The following PKHD1 variants were observed in gnomAD, a reference collection of about 807,000 sequenced individuals.
PKHD1 encodes fibrocystin.
PKHD1 carries 291 observed loss-of-function variants against 412.0 expected under a neutral mutation model. The ratio of observed to expected loss-of-function variants is 0.71; its 90% CI spans 0.64 to 0.78. PKHD1 has a LOEUF of 0.78. PKHD1 is among the 30% of genes least tolerant of loss of function. The pLI, the probability that PKHD1 is intolerant of heterozygous loss-of-function variation, is 0.00. For missense variants in PKHD1, 4,825 were observed against 4,950.7 expected (o/e 0.97, Z 0.76); for synonymous variants, 1,777 against 1,821.5 (o/e 0.98, Z 0.62).
chr6:51,960,045 G>T lies in PKHD1; in HGVS notation c.5752-19C>A, dbSNP rs747645210. On this transcript the variant is annotated intron_variant, in intron 35 of 66. Transcript: ENST00000371117. The stretch of plus-strand genomic sequence containing the variant: ...AGTTGCCCTGGAAAACAGAGAGCTG[G>T]GTTGGTGGGTTGGTTGGTTGGTTGG... 3 of 1,612,636 alleles carry T rather than the reference G, an allele frequency of 1.9e-6. No individual in the cohort carries two copies. The highest frequency in any genetic ancestry group is 3.3e-5 in the Admixed American group (2 of 59,908).
chr6:51,618,901 A>AT lies in PKHD1; in HGVS notation c.*179dup. ...GATAGCTGCAAAATATGTATGAGAC[A>AT]TTTTTCAGTCTGTAAGCATTTATAT... is the stretch of plus-strand genomic sequence containing the variant. On this transcript the variant is annotated 3_prime_UTR_variant, in exon 67 of 67. Transcript: ENST00000371117. 1 of 649,600 alleles carries AT rather than the reference A, an allele frequency of 1.5e-6. No individual in the cohort carries two copies. Among genetic ancestry groups the AT allele is most frequent in the South Asian group, 1.8e-5 (1 of 54,632 alleles). 40.2% of individuals were successfully genotyped at this position (649,600 alleles called of 1,614,324 possible).
intron 64 of PKHD1, 115 bp downstream of exon 64, chr6:51,638,734 A>G (rs867048977): frequency 4.2e-5 from 31 of 742,454 alleles, no homozygotes; most frequent in African/African-American, 4.1e-4. Context: ...TATTTTCTAA[A>G]CTATGATGAC....
chr6:52,026,884 C>A (rs2128148899), intron 31 of PKHD1, among the ~76,000 whole-genome samples: 1 of 152,300 alleles, frequency 6.6e-6, no homozygotes, highest in East Asian at 1.9e-4. Context: ...CCAAACTGTA[C>A]AACGTGGCTT....
At chr6:51,856,265 AT>A (rs1398976381) in intron 48 of PKHD1, among the ~76,000 whole-genome samples, 195 bp from the exon 49 acceptor site, 1 of 152,208 alleles carries the variant, frequency 6.6e-6, no homozygotes, top group African/African-American at 2.4e-5. Context: ...GGAAGTTGCC[AT>A]TGGATCATTT....
intron 32 of PKHD1, among the ~76,000 whole-genome samples, chr6:52,023,875 T>G (rs2128140183): frequency 6.6e-6 from 1 of 152,330 alleles, no homozygotes; most frequent in South Asian, 2.1e-4. Context: ...GTCCCCACAG[T>G]GTTCCACCAA....
chr6:52,044,827 C>T (rs1466711837), intron 25 of PKHD1, 139 bp downstream of exon 25: 8 of 867,926 alleles, frequency 9.2e-6, no homozygotes, highest in Non-Finnish European at 1.4e-5. Context: ...AGAAAAAGGA[C>T]AGCCATAAGT....
chr6:51,765,193 A>C (rs548527877), intron 55 of PKHD1, among the ~76,000 whole-genome samples: 1 of 152,054 alleles, frequency 6.6e-6, no homozygotes, highest in South Asian at 2.1e-4. Context: ...TGCAGTCATC[A>C]GGAGGACCAG....
At chr6:52,038,627 T>C (rs1804330532) in intron 27 of PKHD1, among the ~76,000 whole-genome samples, 1 of 152,172 alleles carries the variant, frequency 6.6e-6, no homozygotes, top group South Asian at 2.1e-4. Flanking sequence ...CCCAGAATTA[T>C]GGGACAATAA....
At chr6:52,042,755 G>T in intron 27 of PKHD1, 104 bp downstream of exon 27, 1 of 1,038,954 alleles carries the variant, frequency 9.6e-7, no homozygotes, top group Non-Finnish European at 1.5e-6. Flanking sequence ...AAGACAGTGA[G>T]TCACAGTGAA....
chr6:51,717,393 C>T (rs1452847224), intron 60 of PKHD1, among the ~76,000 whole-genome samples: 1 of 145,064 alleles, frequency 6.9e-6, no homozygotes, highest in Non-Finnish European at 1.5e-5. Flanking sequence ...GTCTGGGGGT[C>T]GAGAGCAAAA....
chr6:51,962,301 AG>A (rs1207044197), intron 35 of PKHD1, among the ~76,000 whole-genome samples: 1 of 152,150 alleles, frequency 6.6e-6, no homozygotes, highest in Non-Finnish European at 1.5e-5. Flanking sequence ...GGGAACAACT[AG>A]ACATTAGTTA....
rs368454632 is a variant in PKHD1, at chr6:51,987,683, GC to G, written c.5751+22625del. Among the ~76,000 whole-genome samples, 1,141 of 151,154 alleles carry G rather than the reference GC, an allele frequency of 7.5e-3. 14 individuals are homozygous for G. The highest frequency in any genetic ancestry group is 0.011 in the Non-Finnish European group (721 of 67,878). On this transcript the variant is annotated intron_variant, in intron 35 of 66. Transcript: ENST00000371117. ...GACTGAATCTCCAGTCAAAAGGTGA[GC>G]CCAATCAGTTTTGTCCTCTCACAGG... is the stretch of plus-strand genomic sequence containing the variant.
intron 60 of PKHD1, among the ~76,000 whole-genome samples, chr6:51,674,319 C>A (rs1189311254): frequency 6.6e-6 from 1 of 152,036 alleles, no homozygotes; most frequent in Non-Finnish European, 1.5e-5. Flanking sequence ...GTGGGACAGG[C>A]CAGGATAGAG....
chr6:51,763,243 C>A (rs922603820), intron 55 of PKHD1, among the ~76,000 whole-genome samples: 1 of 151,938 alleles, frequency 6.6e-6, no homozygotes, highest in South Asian at 2.1e-4. Flanking sequence ...ATAATAATAC[C>A]TAACTTATAG....
At chr6:51,923,835 C>T (rs1046842002) in intron 37 of PKHD1, among the ~76,000 whole-genome samples, 3 of 152,144 alleles carry the variant, frequency 2.0e-5, no homozygotes, top group Admixed American at 1.3e-4. Context: ...GTATATTCTG[C>T]CTTTCTGCCA....
chr6:51,692,316 T>C (rs573533730), intron 60 of PKHD1, among the ~76,000 whole-genome samples: 79 of 151,678 alleles, frequency 5.2e-4, no homozygotes, highest in African/African-American at 1.9e-3. Flanking sequence ...CATTTGGTGC[T>C]ATCACAAATG....
At chr6:52,011,006 A>G (rs1799749500) in intron 34 of PKHD1, among the ~76,000 whole-genome samples, 1 of 152,150 alleles carries the variant, frequency 6.6e-6, no homozygotes, top group Non-Finnish European at 1.5e-5. Flanking sequence ...TTCCCAGCTG[A>G]TGGCAATGAG....
Position 51,959,962 on chromosome 6 carries a change from A to T in PKHD1, c.5816T>A (p.Leu1939Gln). The change falls in exon 36 of 67, where the codon CTG becomes CAG. Residue 1939 changes from leucine (L) to glutamine (Q), a missense_variant. Leu to Gln is a moderately radical substitution (Grantham distance 113). Transcript: ENST00000371117. ...TGTGACGTTGTCGCCATCTTGTGGC[A>T]GCCTTTCAGGAAACCAGCTGTGAGT... ...SRTHSWFPER[L>Q]PQDGDNVTVE... 1 of 1,613,590 alleles carries T rather than the reference A, an allele frequency of 6.2e-7. No homozygotes were observed. Among genetic ancestry groups the T allele is most frequent in the Non-Finnish European group, 8.5e-7 (1 of 1,179,640 alleles).
intron 53 of PKHD1, among the ~76,000 whole-genome samples, chr6:51,777,679 G>GAAAAAAAAAA (rs59379021): frequency 1.7e-5 from 2 of 118,796 alleles, no homozygotes; most frequent in African/African-American, 3.4e-5. Flanking sequence ...GAGTCTTTGG[G>GAAAAAAAAAA]AAAAAAAAAA....
Sources: gnomAD v4.1 joint callset for allele counts (sites outside exome capture counted in the v4.1 genomes callset) on GRCh38, gnomAD v4.1.1 for gene constraint, MANE v1.5 for transcripts, NCBI Gene and HGNC (gene_info 2026-07-23, HGNC 2026-07-21) for gene names.